ZNF730: variants seen among roughly 807,000 people sequenced by gnomAD.
The protein encoded by ZNF730 is zinc finger protein 730, also known as putative zinc finger protein 730.
A neutral mutation model predicts 12.6 loss-of-function variants in ZNF730; 12 were observed. The observed-to-expected ratio is 0.95, with a 90% CI of 0.61 to 1.54. The LOEUF (loss-of-function observed/expected upper bound fraction) is 1.54, where lower values mean the gene tolerates loss of function less well. Among genes scored for constraint, ZNF730 ranks in the 40% most tolerant of loss-of-function variants. ZNF730 has a pLI of 0.00. For missense variants in ZNF730, 643 were observed against 583.5 expected (o/e 1.10, Z -1.05); for synonymous variants, 194 against 195.8 (o/e 0.99, Z 0.08).
intron 1 of ZNF730, among the ~76,000 whole-genome samples, chr19:23,103,731 T>C (rs1367178252): frequency 6.6e-6 from 1 of 152,208 alleles, no homozygotes; most frequent in Non-Finnish European, 1.5e-5. Context: ...TACTAATATA[T>C]GTTCCAAAAT....
intron 1 of ZNF730, among the ~76,000 whole-genome samples, chr19:23,110,761 G>A (rs1355942298): frequency 6.6e-6 from 1 of 152,196 alleles, no homozygotes; most frequent in African/African-American, 2.4e-5. Flanking sequence ...GACTGGGTAA[G>A]GACTCTGAGA....
At chr19:23,129,165 A>C (rs1445577838) in intron 1 of ZNF730, among the ~76,000 whole-genome samples, 1 of 152,204 alleles carries the variant, frequency 6.6e-6, no homozygotes, top group Non-Finnish European at 1.5e-5. Context: ...CTAGGGCAGT[A>C]CAGAAAAAAA....
In ZNF730 at chr19:23,145,877, A is replaced by G. The variant is rs113820903; in HGVS notation, c.833A>G (p.His278Arg). Residue 278 changes from histidine (H) to arginine (R), a missense_variant, in exon 4 of 4, where the codon CAT (histidine) becomes CGT (arginine). Coordinates refer to ENST00000597761, the MANE Select transcript of ZNF730 (RefSeq NM_001277403.2). ...AACCTTACTACACATAAAAGAATTC[A>G]TACTGGAGAGAAACCCTATAAATGT... ...STNLTTHKRI[H>R]TGEKPYKCEE... 9.9e-6 allele frequency: 16 copies of G among 1,610,494 alleles called. No homozygotes were observed. Among genetic ancestry groups the G allele is most frequent in the African/African-American group, 8.0e-5 (6 of 74,930 alleles).
At chr19:23,117,280 ATC>A in intron 1 of ZNF730, 104 bp downstream of exon 1, 5 of 1,591,060 alleles carry the variant, frequency 3.1e-6, no homozygotes, top group Non-Finnish European at 4.3e-6. Context: ...CAGCTTCACA[ATC>A]TGCGCCCAGA....
chr19:23,095,677 C>T (rs1970237092), intron 1 of ZNF730: 4 of 379,052 alleles, frequency 1.1e-5, no homozygotes, highest in South Asian at 1.5e-4. Flanking sequence ...ATGTGAGTCT[C>T]CTGCCTGGAT....
intron 1 of ZNF730, among the ~76,000 whole-genome samples, chr19:23,120,870 A>G (rs772357591): frequency 1.3e-5 from 2 of 152,192 alleles, no homozygotes; most frequent in African/African-American, 2.4e-5. Context: ...TGTCTTAGCC[A>G]TGTTGCAGAG....
chr19:23,102,739 G>A (rs1434654663), intron 1 of ZNF730, among the ~76,000 whole-genome samples: 1 of 151,896 alleles, frequency 6.6e-6, no homozygotes, highest in Non-Finnish European at 1.5e-5. Flanking sequence ...CAAGTGATCT[G>A]CCTGCCTCAG....
upstream of ZNF730, among the ~76,000 whole-genome samples, chr19:23,115,938 C>G (rs1429926546): frequency 6.6e-6 from 1 of 152,234 alleles, no homozygotes; most frequent in Non-Finnish European, 1.5e-5. Flanking sequence ...TAGTTACCTT[C>G]TAACAGTGGG....
intron 1 of ZNF730, among the ~76,000 whole-genome samples, chr19:23,078,441 A>G (rs1014995991): frequency 3.3e-5 from 5 of 152,098 alleles, no homozygotes; most frequent in African/African-American, 7.2e-5. Context: ...ATGTTTATGT[A>G]TGTGCACATC....
intron 1 of ZNF730, among the ~76,000 whole-genome samples, chr19:23,098,733 G>A (rs150309970): frequency 1.3e-4 from 20 of 152,214 alleles, no homozygotes; most frequent in South Asian, 2.1e-4. Context: ...GATCAGTGCC[G>A]TCAGGGAAAA....
chr19:23,090,706 A>C (rs1324299251), intron 1 of ZNF730, among the ~76,000 whole-genome samples: 2 of 151,930 alleles, frequency 1.3e-5, no homozygotes, highest in African/African-American at 4.8e-5. Flanking sequence ...CAGGAAGAAA[A>C]AGTGGTTTTG....
chr19:23,081,757 A>G (rs140169809), intron 1 of ZNF730, among the ~76,000 whole-genome samples: 121 of 152,172 alleles, frequency 8.0e-4, no homozygotes, highest in African/African-American at 2.7e-3. Flanking sequence ...ACCCAGCCTT[A>G]TCTTTTATTT....
At chr19:23,077,424 CTTTTTTTTTTTTT>C (rs71163442) in intron 1 of ZNF730, among the ~76,000 whole-genome samples, 207 of 45,572 alleles carry the variant, frequency 4.5e-3, no homozygotes, top group Non-Finnish European at 5.7e-3. Flanking sequence ...TCCCTAAGAG[CTTTTTTTTTTTTT>C]TTTTTTTTTT....
intron 1 of ZNF730, among the ~76,000 whole-genome samples, chr19:23,128,870 T>C (rs1970706054): frequency 6.6e-6 from 1 of 152,146 alleles, no homozygotes; most frequent in Non-Finnish European, 1.5e-5. Flanking sequence ...GCTTTGTGGG[T>C]CAGGCCCAGG....
chr19:23,119,236 G>T (rs1008571997), intron 1 of ZNF730, among the ~76,000 whole-genome samples: 3 of 152,194 alleles, frequency 2.0e-5, no homozygotes, highest in African/African-American at 7.2e-5. Flanking sequence ...TGTTGAGGGT[G>T]TTAAACATGA....
At chr19:23,115,136 T>TA (rs10716674), upstream of ZNF730, among the ~76,000 whole-genome samples, 41 of 146,992 alleles carry the variant, frequency 2.8e-4, no homozygotes, top group African/African-American at 8.9e-4. Flanking sequence ...GGCACAAATC[T>TA]AAAAAAAAAA....
rs988101916 is a variant in ZNF730 at position 23,127,775 on chromosome 19, A to G, written c.4-6305A>G. 10 of 826,326 alleles carry G rather than the reference A, an allele frequency of 1.2e-5. No individual in the cohort carries two copies. In the East Asian group the frequency reaches 1.7e-4, roughly 14 times the overall value. The allele number at this position is 826,326 out of a possible 1,614,324, so 51.2% of individuals were successfully genotyped here. The stretch of plus-strand genomic sequence containing the variant: ...CTCTTCCTGAGAGGAAGTTAGGGCC[A>G]TCGTCCAGGTCTTCCATCCTGGCTG... On this transcript the variant is annotated intron_variant, in intron 1 of 3. Transcript: ENST00000597761.
At chr19:23,088,447 GT>G (rs1382105476) in intron 1 of ZNF730, among the ~76,000 whole-genome samples, 1 of 151,818 alleles carries the variant, frequency 6.6e-6, no homozygotes, top group Non-Finnish European at 1.5e-5. Context: ...ATTGAGAGGG[GT>G]TTTTTTGTTT....
chr19:23,109,631 A>G (rs1970438320), intron 1 of ZNF730, among the ~76,000 whole-genome samples: 1 of 151,844 alleles, frequency 6.6e-6, no homozygotes. Flanking sequence ...TGAACTCCTG[A>G]CCTGACCTGG....
Sources: allele counts gnomAD v4.1 joint callset (sites outside exome capture counted in the v4.1 genomes callset), GRCh38; gene constraint gnomAD v4.1.1; transcripts MANE v1.5; gene names NCBI Gene and HGNC (gene_info 2026-07-23, HGNC 2026-07-21).